XIST: variants seen among roughly 807,000 people sequenced by gnomAD.
XIST encodes the protein X inactive specific transcript, also known as X inactive specific transcript (non-protein coding).
In XIST at chrX:73,824,750, T is replaced by C. The variant is rs932533817; in HGVS notation, n.15151A>G. ...TCGGTCTGGATCTCACATCTATTAC[T>C]TCATTTCCTCATACTAGCTCTTTCC... On this transcript the variant is annotated non_coding_transcript_exon_variant, in exon 6 of 6. Transcript: ENST00000429829. 4 of 557,285 alleles carry C rather than the reference T, an allele frequency of 7.2e-6. No individual in the cohort carries two copies. The African/African-American group carries it at 8.9e-5, about 12-fold the overall frequency. 45.9% of individuals were successfully genotyped at this position (557,285 alleles called of 1,213,427 possible). A position where few individuals can be genotyped will look rare whatever the true frequency, so the allele number is the denominator to read the frequency against.
At chrX:73,821,984 T>G (rs1465878303) in exon 6 of XIST, 1 of 556,992 alleles carries the variant, frequency 1.8e-6, no homozygotes, top group African/African-American at 2.2e-5. Flanking sequence ...CTATGCGTTA[T>G]CTGAGGATTG....
chrX:73,848,858 G>A (rs1922841208), exon 1 of XIST: 2 of 557,847 alleles, frequency 3.6e-6, no homozygotes, highest in African/African-American at 4.4e-5. Context: ...ACATATTAAT[G>A]CAAGGTGGTA....
chrX:73,842,803 G>C (rs918121654), exon 1 of XIST: 1 of 558,540 alleles, frequency 1.8e-6, no homozygotes, highest in East Asian at 3.2e-5. Context: ...GAGGCAAAAG[G>C]GGCAGGGCAG....
exon 6 of XIST, chrX:73,824,086 C>T: frequency 3.6e-6 from 2 of 553,070 alleles, no homozygotes; most frequent in Admixed American, 2.2e-5. Context: ...GATCATTCAG[C>T]AGATATAGCT....
chrX:73,830,996 T>G, intron 4 of XIST: 1 of 510,597 alleles, frequency 2.0e-6, no homozygotes, highest in Non-Finnish European at 3.5e-6. Flanking sequence ...AAACACTAAG[T>G]GCAATGTATA....
At chrX:73,841,660 A>G (rs1569512232) in exon 1 of XIST, 2 of 545,274 alleles carry the variant, frequency 3.7e-6, no homozygotes, top group African/African-American at 2.2e-5. Context: ...ATCCAAAAGA[A>G]TATTTAATTT....
chrX:73,839,482 C>T (rs1922548076), intron 1 of XIST, among the ~76,000 whole-genome samples: 1 of 111,311 alleles, frequency 9.0e-6, no homozygotes, highest in African/African-American at 3.3e-5. Context: ...CTAGCAGTCT[C>T]GAGATGGTCA....
At chrX:73,836,648 G>C (rs962110145) in intron 2 of XIST, among the ~76,000 whole-genome samples, 1 of 111,618 alleles carries the variant, frequency 9.0e-6, no homozygotes, top group African/African-American at 3.3e-5. Flanking sequence ...CAACTGAAAA[G>C]GTCTTGAAGG....
At position 73,821,886 on chromosome X, in the gene XIST, A is replaced by T. The variant is rs755736304; in HGVS notation, n.18015T>A. The T allele has an allele frequency of 6.2e-5, 34 of 552,578 alleles. No individual in the cohort carries two copies. In the East Asian group the frequency reaches 1.1e-3, roughly 18 times the overall value. The allele number at this position is 552,578 out of a possible 1,213,427, so 45.5% of individuals were successfully genotyped here. Reference sequence around the variant, plus strand: ...ATTCTACTATAAAAAGCCCTTCTTGAGCAGATTTGATGATAAAAAGGAGAA... The same window carrying T: ...ATTCTACTATAAAAAGCCCTTCTTGTGCAGATTTGATGATAAAAAGGAGAA... On this transcript the variant is annotated non_coding_transcript_exon_variant, in exon 6 of 6. Transcript: ENST00000429829.
exon 1 of XIST, chrX:73,845,946 T>C (rs1370064942): frequency 1.8e-6 from 1 of 553,795 alleles, no homozygotes; most frequent in Non-Finnish European, 3.2e-6. Flanking sequence ...AAAAGGGGTC[T>C]GAGAGTAGGA....
chrX:73,822,096 T>C, exon 6 of XIST: 1 of 558,667 alleles, frequency 1.8e-6, no homozygotes, highest in Non-Finnish European at 3.2e-6. Context: ...CAAAACCAAT[T>C]GTGGCTCAAG....
chrX:73,825,650 A>G lies in XIST; in HGVS notation n.14251T>C, dbSNP rs1194184399. On this transcript the variant is annotated non_coding_transcript_exon_variant, in exon 6 of 6. Transcript: ENST00000429829. Reference sequence around the variant, plus strand: ...TTTGACCTTATAAAAACGTTGTTTAAAAAACAAATATGTAACAGAAACCAT... The same window carrying G: ...TTTGACCTTATAAAAACGTTGTTTAGAAAACAAATATGTAACAGAAACCAT... The G allele has an allele frequency of 7.8e-6, 4 of 513,101 alleles. No homozygotes were observed. In the Admixed American group the frequency reaches 1.1e-4, roughly 14 times the overall value. 42.3% of individuals were successfully genotyped at this position (513,101 alleles called of 1,213,427 possible). A position where few individuals can be genotyped will look rare whatever the true frequency, so the allele number is the denominator to read the frequency against.
chrX:73,835,098 GTGATACTTAAACCCAT>G (rs1380296044), intron 2 of XIST, among the ~76,000 whole-genome samples: 1 of 111,716 alleles, frequency 9.0e-6, no homozygotes. Context: ...AGGTAACCAA[GTGATACTTAAACCCAT>G]GTCTTCCCAC....
rs770677881 is a variant in XIST at position 73,829,082 on chromosome X, C to T, written n.11902G>A. On this transcript the variant is annotated non_coding_transcript_exon_variant, in exon 5 of 6. Transcript: ENST00000429829. ...CAACAACTTACTTCATTCAGCTATC[C>T]TCAAGTGCTAGAGTGCCAGGCATGT... is the stretch of plus-strand genomic sequence containing the variant. 6 of 556,166 alleles carry T rather than the reference C, an allele frequency of 1.1e-5. No individual in the cohort carries two copies. In the African/African-American group the frequency reaches 1.3e-4, roughly 12 times the overall value. 45.8% of individuals were successfully genotyped at this position (556,166 alleles called of 1,213,427 possible).
exon 1 of XIST, chrX:73,843,407 G>A: frequency 3.6e-6 from 2 of 558,732 alleles, no homozygotes; most frequent in Non-Finnish European, 6.5e-6. Context: ...ATTATGAGTA[G>A]TTAACACTTC....
At chrX:73,850,119 A>C in exon 1 of XIST, 1 of 558,576 alleles carries the variant, frequency 1.8e-6, no homozygotes. Context: ...ACCTGTGTAA[A>C]CCTTCAAACA....
exon 1 of XIST, chrX:73,851,063 G>A: frequency 1.8e-6 from 1 of 559,251 alleles, no homozygotes; most frequent in Non-Finnish European, 3.2e-6. Context: ...GCTGGACAGT[G>A]TGTCATCAGT....
chrX:73,820,886 A>G (rs1290260483), exon 6 of XIST: 1 of 557,943 alleles, frequency 1.8e-6, no homozygotes, highest in Non-Finnish European at 3.2e-6. Flanking sequence ...TTTGAGGTAG[A>G]AGGACAATGA....
exon 1 of XIST, chrX:73,848,086 A>C (rs1375502366): frequency 1.8e-6 from 1 of 557,309 alleles, no homozygotes; most frequent in Non-Finnish European, 3.2e-6. Flanking sequence ...TAGCACATTA[A>C]CAGTACAAAA....
Sources: gnomAD v4.1 joint callset for allele counts (sites outside exome capture counted in the v4.1 genomes callset) on GRCh38, gnomAD v4.1.1 for gene constraint, MANE v1.5 for transcripts, NCBI Gene and HGNC (gene_info 2026-07-23, HGNC 2026-07-21) for gene names.